YWHAE: variants seen among roughly 807,000 people sequenced by gnomAD.
YWHAE encodes tyrosine 3-monooxygenase/tryptophan 5-monooxygenase activation protein epsilon, also known as 14-3-3 protein epsilon.
Under a neutral mutation model 30.1 loss-of-function variants are expected in YWHAE, and 4 were observed. That is an observed-to-expected ratio of 0.13 (90% CI 0.07 to 0.30). The LOEUF (loss-of-function observed/expected upper bound fraction) is 0.30, where lower values mean the gene tolerates loss of function less well. Among genes scored for constraint, YWHAE ranks in the 10% least tolerant of loss-of-function variants. The pLI, the probability that YWHAE is intolerant of heterozygous loss-of-function variation, is 1.00. For synonymous variants in YWHAE, 118 were observed against 111.8 expected (o/e 1.06, Z -0.35); for missense variants, 121 against 315.9 (o/e 0.38, Z 4.68).
chr17:1,351,483 G>GT (rs2072631076), intron 5 of YWHAE, among the ~76,000 whole-genome samples: 1 of 151,710 alleles, frequency 6.6e-6, no homozygotes, highest in Non-Finnish European at 1.5e-5. Context: ...GGTGAGAGGT[G>GT]TATCATTTCC....
chr17:1,361,386 A>T, intron 3 of YWHAE, 88 bp from the exon 4 acceptor site: 1 of 1,109,626 alleles, frequency 9.0e-7, no homozygotes, highest in Non-Finnish European at 1.3e-6. Flanking sequence ...GTTCTATATT[A>T]TATAAAATGT....
At chr17:1,357,057 C>G (rs1401091069) in intron 4 of YWHAE, among the ~76,000 whole-genome samples, 2 of 151,482 alleles carry the variant, frequency 1.3e-5, no homozygotes, top group Non-Finnish European at 2.9e-5. Flanking sequence ...ATCACGAGGT[C>G]AGGAGATCGA....
intron 1 of YWHAE, among the ~76,000 whole-genome samples, chr17:1,375,794 GT>G (rs1292951340): frequency 3.9e-5 from 6 of 152,338 alleles, no homozygotes; most frequent in Non-Finnish European, 8.8e-5. Flanking sequence ...AGAGTCACAA[GT>G]TTTTCCCCTT....
chr17:1,386,667 G>A (rs1432082239), intron 1 of YWHAE, among the ~76,000 whole-genome samples: 2 of 152,104 alleles, frequency 1.3e-5, no homozygotes, highest in African/African-American at 4.8e-5. Context: ...GTAACTACAT[G>A]AGCCAGGCAC....
intron 1 of YWHAE, among the ~76,000 whole-genome samples, chr17:1,384,727 CAG>C (rs2073274150): frequency 1.3e-5 from 2 of 152,012 alleles, no homozygotes. Context: ...GCGCCCAGCC[CAG>C]AGTTTTTCTC....
At position 1,351,387 on chromosome 17, in the gene YWHAE, A is replaced by T. The variant is rs111770213; in HGVS notation, c.715+2824T>A. ...GAGCAAAACTCCATCTCAAAAAAAA[A>T]AAATAAAACACACACACAGAAAAAA... On this transcript the variant is annotated intron_variant, in intron 5 of 5. Coordinates refer to ENST00000264335, the MANE Select transcript of YWHAE (RefSeq NM_006761.5). 6.7e-3 allele frequency among the ~76,000 whole-genome samples: 1,014 copies of T among 152,144 alleles called. 15 individuals carry two copies. The highest frequency in any genetic ancestry group is 0.016 in the African/African-American group (673 of 41,522).
intron 5 of YWHAE, among the ~76,000 whole-genome samples, chr17:1,346,096 A>ACTTT (rs1474265308): frequency 3.3e-5 from 5 of 152,234 alleles, no homozygotes; most frequent in Admixed American, 2.0e-4. Flanking sequence ...AAAGTAAATC[A>ACTTT]GACCACTGAG....
intron 4 of YWHAE, among the ~76,000 whole-genome samples, chr17:1,357,789 T>C (rs1489395835): frequency 6.6e-6 from 1 of 151,702 alleles, no homozygotes; most frequent in Non-Finnish European, 1.5e-5. Context: ...TAGCTGGGTA[T>C]GGTGGCGGGC....
At chr17:1,376,561 T>C (rs1352818337) in intron 1 of YWHAE, among the ~76,000 whole-genome samples, 2 of 151,612 alleles carry the variant, frequency 1.3e-5, no homozygotes, top group Admixed American at 6.6e-5. Flanking sequence ...CTCCAACTCC[T>C]GGGCTCAAGC....
intron 1 of YWHAE, among the ~76,000 whole-genome samples, chr17:1,380,651 T>C (rs1598261219): frequency 6.6e-6 from 1 of 151,922 alleles, no homozygotes; most frequent in East Asian, 1.9e-4. Context: ...CGGGTGGGGG[T>C]GTTAATGTGC....
rs187018965 is a variant in YWHAE, at chr17:1,350,982, C to T, written c.715+3229G>A. On this transcript the variant is annotated intron_variant, in intron 5 of 5. Transcript: ENST00000264335. ...GCTGAGGCAGGAGAATCCTTTGAACCCAGGAGGCAGAGGTTGCAGTGAGCC... is the reference window on the plus strand; with the variant it reads ...GCTGAGGCAGGAGAATCCTTTGAACTCAGGAGGCAGAGGTTGCAGTGAGCC... Among the ~76,000 whole-genome samples, 29 of 151,802 alleles carry T rather than the reference C, an allele frequency of 1.9e-4. 1 individual carries two copies. Among genetic ancestry groups the T allele is most frequent in the Admixed American group, 6.6e-4 (10 of 15,256 alleles).
intron 1 of YWHAE, among the ~76,000 whole-genome samples, chr17:1,376,929 T>C (rs927079942): frequency 1.3e-5 from 1 of 77,504 alleles, no homozygotes; most frequent in African/African-American, 3.2e-5. Flanking sequence ...TAACCCTAAC[T>C]TTTTTTTTTT....
intron 4 of YWHAE, among the ~76,000 whole-genome samples, chr17:1,357,755 A>G (rs531881684): frequency 6.6e-6 from 1 of 151,346 alleles, no homozygotes. Flanking sequence ...GTGAAAACCC[A>G]TCTCTACATA....
At chr17:1,347,961 CAAAGT>C (rs10542812) in intron 5 of YWHAE, 83,012 of 1,008,922 alleles carry the variant, frequency 0.082, 4,015 homozygotes, top group Admixed American at 0.23. Context: ...ACGTGACTTA[CAAAGT>C]AGAGTTTTTA....
At chr17:1,382,247 A>G (rs2073223713) in intron 1 of YWHAE, among the ~76,000 whole-genome samples, 1 of 149,234 alleles carries the variant, frequency 6.7e-6, no homozygotes, top group Non-Finnish European at 1.5e-5. Flanking sequence ...ATGGGGTTTC[A>G]CCGTGTTAGC....
intron 2 of YWHAE, among the ~76,000 whole-genome samples, chr17:1,364,312 C>T (rs998846512): frequency 1.3e-5 from 2 of 151,714 alleles, no homozygotes; most frequent in South Asian, 2.1e-4. Context: ...CCGCAAGCTC[C>T]GCCTCCCGGA....
chr17:1,383,681 C>T (rs1385793076), intron 1 of YWHAE, among the ~76,000 whole-genome samples: 5 of 152,060 alleles, frequency 3.3e-5, no homozygotes, highest in Non-Finnish European at 1.5e-5. Context: ...AGCCACTGCA[C>T]CCGGCCCTTG....
At position 1,358,423 on chromosome 17, in the gene YWHAE, TAG is replaced by T. The variant is rs531821191; in HGVS notation, c.578+2667_578+2668del. ...CCCGGCTGATTTTTTGTATTTTTAG[TAG>T]AGACGGGGTTTCACCACGTTAGCCA... On this transcript the variant is annotated intron_variant, in intron 4 of 5. Transcript: ENST00000264335. Among the ~76,000 whole-genome samples, 302 of 152,094 alleles carry T rather than the reference TAG, an allele frequency of 2.0e-3. 1 individual carries two copies. The highest frequency in any genetic ancestry group is 3.5e-3 in the Non-Finnish European group (238 of 67,964).
rs2072510431 is a variant in YWHAE at position 1,345,992 on chromosome 17, G to T, written c.716-493C>A. ...GAAGTTCTATCGTATTTTATTGTGGGGTTCTGCTGTTATAAATATTTCAGC... is the reference window on the plus strand; with the variant it reads ...GAAGTTCTATCGTATTTTATTGTGGTGTTCTGCTGTTATAAATATTTCAGC... On this transcript the variant is annotated intron_variant, in intron 5 of 5. Transcript: ENST00000264335. Among the ~76,000 whole-genome samples, 4 of 152,030 alleles carry T rather than the reference G, an allele frequency of 2.6e-5. No individual in the cohort carries two copies. The South Asian group carries it at 8.3e-4, about 32-fold the overall frequency.
Sources: allele counts gnomAD v4.1 joint callset (sites outside exome capture counted in the v4.1 genomes callset), GRCh38; gene constraint gnomAD v4.1.1; transcripts MANE v1.5; gene names NCBI Gene and HGNC (gene_info 2026-07-23, HGNC 2026-07-21).